Variants in GLI2 observed in about 807,000 individuals in gnomAD.
GLI2 encodes the protein GLI family zinc finger 2.
GLI2 carries 22 observed loss-of-function variants against 78.9 expected under a neutral mutation model. The ratio of observed to expected loss-of-function variants is 0.28; its 90% CI spans 0.20 to 0.40. The LOEUF (loss-of-function observed/expected upper bound fraction) is 0.40. Ranked by LOEUF, GLI2 falls within the 10% of genes least tolerant of loss-of-function variation. The pLI is 1.00. For synonymous variants in GLI2, 974 were observed against 963.7 expected, an observed-to-expected ratio of 1.01 and a Z score of -0.20; for missense variants, 2,097 against 2,213.2, an observed-to-expected ratio of 0.95 and a Z score of 1.05.
intron 1 of GLI2, among the ~76,000 whole-genome samples, chr2:120,780,417 A>C (rs1009605947): frequency 1.3e-5 from 2 of 152,130 alleles, no homozygotes; most frequent in Middle Eastern, 3.2e-3. Flanking sequence ...TGAAAGGAGG[A>C]AGGGAGGAAG....
intron 4 of GLI2, among the ~76,000 whole-genome samples, chr2:120,954,467 G>C (rs1681145085): frequency 6.6e-6 from 1 of 152,170 alleles, no homozygotes. Context: ...TCTCTGCCAA[G>C]TGCATAAGAG....
rs1414183417 is a variant in GLI2 at position 120,736,173 on chromosome 2, A to G, written c.-143A>G. 1 of 151,604 alleles carries G rather than the reference A, an allele frequency of 6.6e-6. No homozygotes were observed. The highest frequency in any genetic ancestry group is 2.4e-5 in the African/African-American group (1 of 41,238). The allele number at this position is 151,604 out of a possible 1,614,324, so 9.4% of individuals were successfully genotyped here. A position where few individuals can be genotyped will look rare whatever the true frequency, so the allele number is the denominator to read the frequency against. ...CCCCGGCTGGCTGGAGCCCCGGCAC[A>G]AGGCAGCCAGCCGAGGGTCGCCGCG... On this transcript the variant is annotated 5_prime_UTR_variant, in exon 1 of 14. Transcript: ENST00000361492.
chr2:120,946,803 T>C (rs1400449228), intron 3 of GLI2, among the ~76,000 whole-genome samples: 1 of 152,208 alleles, frequency 6.6e-6, no homozygotes, highest in African/African-American at 2.4e-5. Context: ...CACTGGACCC[T>C]GAAGGACCTG....
chr2:120,816,222 G>A (rs1685486794), intron 2 of GLI2, among the ~76,000 whole-genome samples: 1 of 136,040 alleles, frequency 7.4e-6, no homozygotes, highest in African/African-American at 2.8e-5. Context: ...ACTGAGTCTC[G>A]CTGTGTCGCC....
intron 2 of GLI2, among the ~76,000 whole-genome samples, chr2:120,797,788 C>T (rs1684475595): frequency 6.6e-6 from 1 of 152,204 alleles, no homozygotes; most frequent in Non-Finnish European, 1.5e-5. Flanking sequence ...CCCTGGGGTG[C>T]GTGCAGCTGG....
At chr2:120,803,904 A>G (rs893442398) in intron 2 of GLI2, among the ~76,000 whole-genome samples, 3 of 152,162 alleles carry the variant, frequency 2.0e-5, no homozygotes, top group South Asian at 4.1e-4. Context: ...GGGGGAGACT[A>G]CGGTTTGCAG....
intron 1 of GLI2, among the ~76,000 whole-genome samples, chr2:120,768,187 C>T (rs1259413158): frequency 6.6e-6 from 1 of 152,262 alleles, no homozygotes; most frequent in Non-Finnish European, 1.5e-5. Flanking sequence ...CCCGCCTTTA[C>T]CCGGCGTCGG....
In GLI2 at chr2:120,988,411, C is replaced by A; in HGVS notation, c.2446C>A (p.Arg816Ser). 6.4e-7 allele frequency: 1 copy of A among 1,573,850 alleles called. No individual in the cohort carries two copies. Among genetic ancestry groups the A allele is most frequent in the Non-Finnish European group, 8.5e-7 (1 of 1,169,768 alleles). ...SSGISPYFSS[R>S]RSSEASPLGA... is the part of the protein sequence containing the mutation. ...CGGCATCTCCCCCTACTTCTCCAGC[C>A]GCCGCTCCAGCGAGGCCTCGCCCCT... The change falls in exon 14 of 14, where the codon CGC (arginine) becomes AGC (serine). Residue 816 changes from arginine to serine, a missense_variant. Physicochemically the swap from Arg to Ser is moderately radical, Grantham distance 110. This residue lies in a region of GLI2 where 1,290 missense variants were observed against 1,261.7 expected (regional missense o/e 1.02). Coordinates refer to ENST00000361492, the MANE Select transcript of GLI2 (RefSeq NM_001374353.1).
chr2:120,983,852 C>A (rs1682828622), intron 11 of GLI2, among the ~76,000 whole-genome samples: 1 of 152,148 alleles, frequency 6.6e-6, no homozygotes, highest in South Asian at 2.1e-4. Context: ...CTCAGAGTCT[C>A]TATGGACAAG....
At chr2:120,752,136 A>G (rs1405201901) in intron 1 of GLI2, among the ~76,000 whole-genome samples, 1 of 152,166 alleles carries the variant, frequency 6.6e-6, no homozygotes, top group Non-Finnish European at 1.5e-5. Context: ...GTGGGATCAT[A>G]CTACTGCAGT....
At chr2:120,887,852 G>A (rs1366067723) in intron 2 of GLI2, among the ~76,000 whole-genome samples, 1 of 152,194 alleles carries the variant, frequency 6.6e-6, no homozygotes, top group African/African-American at 2.4e-5. Context: ...AGGGCCCGGG[G>A]ATCCTAACGC....
chr2:120,961,536 A>T (rs1022044757), intron 5 of GLI2, among the ~76,000 whole-genome samples: 2 of 152,208 alleles, frequency 1.3e-5, no homozygotes, highest in Non-Finnish European at 2.9e-5. Flanking sequence ...AGGAGCCTGC[A>T]GCACAGCCTG....
chr2:120,797,265 G>A, intron 1 of GLI2, 26 bp from the exon 2 acceptor site: 1 of 1,593,488 alleles, frequency 6.3e-7, no homozygotes, highest in South Asian at 1.1e-5. Context: ...CTCAGTGTTG[G>A]TGAGTGTCTT....
At chr2:120,953,317 A>T (rs1681085028) in intron 4 of GLI2, among the ~76,000 whole-genome samples, 1 of 152,190 alleles carries the variant, frequency 6.6e-6, no homozygotes, top group Non-Finnish European at 1.5e-5. Flanking sequence ...TAATATGGCC[A>T]CAAGCAGGAA....
At chr2:120,944,613 G>A (rs1250433639) in intron 3 of GLI2, among the ~76,000 whole-genome samples, 3 of 152,222 alleles carry the variant, frequency 2.0e-5, no homozygotes, top group Admixed American at 1.3e-4. Context: ...CTGAGACAGC[G>A]AGGGTGGAGC....
chr2:120,775,337 A>G (rs897048405), intron 1 of GLI2, among the ~76,000 whole-genome samples: 1 of 152,232 alleles, frequency 6.6e-6, no homozygotes, highest in African/African-American at 2.4e-5. Context: ...ACATTTAATA[A>G]TTATGCTTCG....
At chr2:120,959,276 T>C (rs1396751881) in intron 5 of GLI2, among the ~76,000 whole-genome samples, 1 of 152,104 alleles carries the variant, frequency 6.6e-6, no homozygotes, top group African/African-American at 2.4e-5. Context: ...CTTCAGGACA[T>C]GGAGGTAACG....
chr2:120,900,632 C>A (rs1311541427), intron 2 of GLI2, among the ~76,000 whole-genome samples: 3 of 152,336 alleles, frequency 2.0e-5, no homozygotes, highest in Admixed American at 6.5e-5. Flanking sequence ...GGACAACACC[C>A]AGTTCCTTTT....
intron 10 of GLI2, among the ~76,000 whole-genome samples, chr2:120,981,037 G>A (rs904446376): frequency 1.3e-5 from 2 of 151,968 alleles, no homozygotes; most frequent in East Asian, 1.9e-4. Flanking sequence ...CGCACCACAC[G>A]CCTGGCTAAT....
Sources: gnomAD v4.1 joint callset for allele counts (sites outside exome capture counted in the v4.1 genomes callset) on GRCh38, gnomAD v4.1.1 for gene constraint, gnomAD v4.1.1 regional missense constraint, MANE v1.5 for transcripts, NCBI Gene and HGNC (gene_info 2026-07-23, HGNC 2026-07-21) for gene names.